The following ZBTB46 variants were observed in gnomAD, a reference collection of about 807,000 sequenced individuals.
The protein encoded by ZBTB46 is zinc finger and BTB domain-containing protein 46.
ZBTB46 carries 8 observed loss-of-function variants against 44.1 expected under a neutral mutation model. That is an observed-to-expected ratio of 0.18 (90% CI 0.11 to 0.33). The LOEUF is 0.33. ZBTB46 is among the 10% of genes least tolerant of loss of function. The pLI, the probability that ZBTB46 is intolerant of heterozygous loss-of-function variation, is 1.00. For missense variants in ZBTB46, 651 were observed against 847.7 expected (o/e 0.77, Z 2.88); for synonymous variants, 409 against 382.3 (o/e 1.07, Z -0.81).
Position 63,744,357 on chromosome 20 carries a change from G to A in ZBTB46, c.*2573C>T, listed in dbSNP as rs1195892503. 2 of 152,200 alleles carry A rather than the reference G, an allele frequency of 1.3e-5. No individual in the cohort carries two copies. The highest frequency in any genetic ancestry group is 2.9e-5 in the Non-Finnish European group (2 of 68,060). The allele number at this position is 152,200 out of a possible 1,614,324, so 9.4% of individuals were successfully genotyped here. ...TCAGAGAGCCCCAGTGTACAACCTG[G>A]TCAGGATCCAGAGCTTGACAGAAAA... On this transcript the variant is annotated 3_prime_UTR_variant, in exon 5 of 5. Transcript: ENST00000245663.
chr20:63,773,229 G>T (rs1485854452), intron 3 of ZBTB46, among the ~76,000 whole-genome samples: 1 of 121,638 alleles, frequency 8.2e-6, no homozygotes, highest in Non-Finnish European at 1.7e-5. Context: ...CAGTCCAATG[G>T]CTTTTTTTTT....
At chr20:63,818,622 G>C (rs546744994) in intron 1 of ZBTB46, among the ~76,000 whole-genome samples, 5 of 152,042 alleles carry the variant, frequency 3.3e-5, no homozygotes, top group African/African-American at 1.2e-4. Context: ...TTAGGATGCC[G>C]AGGCGGACAG....
intron 1 of ZBTB46, among the ~76,000 whole-genome samples, chr20:63,792,338 G>C (rs1391336894): frequency 6.6e-6 from 1 of 152,178 alleles, no homozygotes; most frequent in African/African-American, 2.4e-5. Flanking sequence ...AATGCTAAAT[G>C]TGTTTAATAG....
intron 1 of ZBTB46, among the ~76,000 whole-genome samples, chr20:63,801,616 G>A (rs1255817521): frequency 3.3e-5 from 5 of 152,178 alleles, no homozygotes; most frequent in African/African-American, 7.2e-5. Context: ...TTTATGAGCT[G>A]TAAGACTCAC....
intron 1 of ZBTB46, among the ~76,000 whole-genome samples, chr20:63,821,962 A>G (rs1355708871): frequency 1.3e-5 from 2 of 152,214 alleles, no homozygotes; most frequent in African/African-American, 4.8e-5. Context: ...GCTGTCCCGC[A>G]GCCTGCCCCA....
rs1486371122 is a variant in ZBTB46 at position 63,746,198 on chromosome 20, C to G, written c.*732G>C. ...GGAAGTGCACACGACTGAGCCGAGG[C>G]CCTTGCAGAGGGAACCTGGTGTGGC... is the stretch of plus-strand genomic sequence containing the variant. On this transcript the variant is annotated 3_prime_UTR_variant, in exon 5 of 5. Transcript: ENST00000245663. 1 of 152,862 alleles carries G rather than the reference C, an allele frequency of 6.5e-6. No individual in the cohort carries two copies. Among genetic ancestry groups the G allele is most frequent in the East Asian group, 1.9e-4 (1 of 5,306 alleles). 9.5% of individuals were successfully genotyped at this position (152,862 alleles called of 1,614,324 possible).
intron 2 of ZBTB46, among the ~76,000 whole-genome samples, chr20:63,783,502 A>T (rs1394143880): frequency 6.6e-6 from 1 of 152,226 alleles, no homozygotes; most frequent in Admixed American, 6.5e-5. Context: ...AACAAAAACA[A>T]AAAACAGCAC....
intron 1 of ZBTB46, chr20:63,807,994 G>A (rs1361278556): frequency 6.6e-6 from 1 of 150,860 alleles, no homozygotes; most frequent in Non-Finnish European, 1.5e-5. Flanking sequence ...CTTCCCACAG[G>A]GGACACTCAC....
At chr20:63,810,669 A>G (rs1041262985) in intron 1 of ZBTB46, among the ~76,000 whole-genome samples, 5 of 152,148 alleles carry the variant, frequency 3.3e-5, no homozygotes, top group African/African-American at 7.2e-5. Context: ...TCGTTTGAAC[A>G]TGGGAGGCAG....
chr20:63,773,004 C>T (rs1459956550), intron 3 of ZBTB46, among the ~76,000 whole-genome samples: 2 of 152,140 alleles, frequency 1.3e-5, no homozygotes, highest in Admixed American at 6.5e-5. Flanking sequence ...CCACCAAGGC[C>T]GAGCTGGGGT....
Position 63,744,540 on chromosome 20 carries a change from AT to A in ZBTB46, c.*2389del, listed in dbSNP as rs1373246868. 1.3e-5 allele frequency: 2 copies of A among 152,366 alleles called. No individual in the cohort carries two copies. The highest frequency in any genetic ancestry group is 4.8e-5 in the African/African-American group (2 of 41,466). 9.4% of individuals were successfully genotyped at this position (152,366 alleles called of 1,614,324 possible). ...ACACATTTTTCCTCTTCATAAAAAA[AT>A]ATTTATTAGTTTGAACATCGATTTA... On this transcript the variant is annotated 3_prime_UTR_variant, in exon 5 of 5. Transcript: ENST00000245663.
intron 1 of ZBTB46, among the ~76,000 whole-genome samples, chr20:63,798,055 A>G (rs2145965044): frequency 6.6e-6 from 1 of 152,256 alleles, no homozygotes; most frequent in East Asian, 1.9e-4. Flanking sequence ...GGTGTTTTAG[A>G]CATGAAGTCC....
chr20:63,747,545 T>TGAGCAGGGCCTGGTGGGTGGGGGGGGG (rs1568824166), intron 4 of ZBTB46, among the ~76,000 whole-genome samples: 4 of 8,234 alleles, frequency 4.9e-4, no homozygotes, highest in South Asian at 4.6e-3. Context: ...GTGGGGGGGG[T>TGAGCAGGGCCTGGTGGGTGGGGGGGGG]GCGGGGGTGA....
intron 1 of ZBTB46, among the ~76,000 whole-genome samples, chr20:63,823,333 A>T (rs1411314847): frequency 6.6e-6 from 1 of 151,922 alleles, no homozygotes; most frequent in Non-Finnish European, 1.5e-5. Flanking sequence ...GGTCTCTACT[A>T]AAAAAAGTAC....
intron 1 of ZBTB46, among the ~76,000 whole-genome samples, chr20:63,793,198 AG>A (rs2092575069): frequency 6.6e-6 from 1 of 152,204 alleles, no homozygotes; most frequent in African/African-American, 2.4e-5. Flanking sequence ...CCCGGGCTTG[AG>A]GGCTGGAGGC....
intron 2 of ZBTB46, among the ~76,000 whole-genome samples, chr20:63,789,469 G>C (rs1462460853): frequency 6.6e-6 from 1 of 152,222 alleles, no homozygotes; most frequent in Non-Finnish European, 1.5e-5. Flanking sequence ...CGACCCTGCA[G>C]GCCACGCCCT....
intron 3 of ZBTB46, among the ~76,000 whole-genome samples, chr20:63,756,964 G>A (rs2092226011): frequency 6.6e-6 from 1 of 152,240 alleles, no homozygotes; most frequent in Non-Finnish European, 1.5e-5. Flanking sequence ...GGTGACTTAA[G>A]TTCTCATTAT....
intron 1 of ZBTB46, among the ~76,000 whole-genome samples, chr20:63,808,683 GAAAT>G (rs1446507282): frequency 1.3e-5 from 2 of 152,290 alleles, no homozygotes; most frequent in African/African-American, 4.8e-5. Context: ...GCCGCCTTAA[GAAAT>G]AAAACCAGCA....
chr20:63,794,189 C>CA (rs574998605), intron 1 of ZBTB46, among the ~76,000 whole-genome samples: 33,295 of 108,370 alleles, frequency 0.31, 3,986 homozygotes, highest in Middle Eastern at 0.45. Flanking sequence ...GACTCCGTCT[C>CA]AAAAAAAAAA....
Sources: allele counts gnomAD v4.1 joint callset (sites outside exome capture counted in the v4.1 genomes callset), GRCh38; gene constraint gnomAD v4.1.1; transcripts MANE v1.5; gene names NCBI Gene and HGNC (gene_info 2026-07-23, HGNC 2026-07-21).